The following DTNBP1 variants were observed in gnomAD, a reference collection of about 807,000 sequenced individuals.
The protein encoded by DTNBP1 is dysbindin.
In DTNBP1, 35 loss-of-function variants were observed where a neutral mutation model predicts 42.8. The observed-to-expected ratio is 0.82, with a 90% CI of 0.63 to 1.09. The LOEUF (loss-of-function observed/expected upper bound fraction) is 1.09. Among genes scored for constraint, DTNBP1 ranks in the 50% least tolerant of loss-of-function variants. The pLI is 0.00. For missense variants in DTNBP1, 457 were observed against 424.2 expected (o/e 1.08, Z -0.68); for synonymous variants, 171 against 162.2 (o/e 1.05, Z -0.41).
intron 7 of DTNBP1, among the ~76,000 whole-genome samples, chr6:15,562,440 A>G (rs1774886074): frequency 2.6e-5 from 4 of 152,234 alleles, no homozygotes; most frequent in Admixed American, 6.5e-5. Context: ...CAGAATGGAA[A>G]CACTTAGTAA....
At chr6:15,586,943 A>T (rs1262289719) in intron 7 of DTNBP1, among the ~76,000 whole-genome samples, 1 of 152,072 alleles carries the variant, frequency 6.6e-6, no homozygotes, top group African/African-American at 2.4e-5. Context: ...CTGTCTGGTG[A>T]ATGTTGGTGC....
At chr6:15,559,831 C>T (rs2113467925) in intron 7 of DTNBP1, among the ~76,000 whole-genome samples, 1 of 152,284 alleles carries the variant, frequency 6.6e-6, no homozygotes, top group African/African-American at 2.4e-5. Flanking sequence ...CGCCAACTGA[C>T]TACTACTTCT....
intron 7 of DTNBP1, among the ~76,000 whole-genome samples, chr6:15,584,329 TTAAGA>T (rs1352462064): frequency 2.6e-5 from 4 of 152,120 alleles, no homozygotes. Context: ...GAACCATTAT[TTAAGA>T]TAATGACTGA....
At chr6:15,579,794 T>C (rs921309181) in intron 7 of DTNBP1, 10 of 451,382 alleles carry the variant, frequency 2.2e-5, no homozygotes, top group Non-Finnish European at 4.4e-5. Flanking sequence ...GCCGACAGAG[T>C]GAGACTCCCT....
At chr6:15,616,380 C>T (rs1758718771) in intron 5 of DTNBP1, among the ~76,000 whole-genome samples, 1 of 152,194 alleles carries the variant, frequency 6.6e-6, no homozygotes, top group Non-Finnish European at 1.5e-5. Flanking sequence ...AAAAGACAGT[C>T]CTGGAGCTCA....
intron 7 of DTNBP1, among the ~76,000 whole-genome samples, chr6:15,591,813 T>C (rs780178652): frequency 3.9e-5 from 6 of 152,312 alleles, no homozygotes; most frequent in East Asian, 1.9e-4. Flanking sequence ...CTTACTGTTA[T>C]ATAAGAAGAT....
Position 15,522,922 on chromosome 6 carries a change from G to T in DTNBP1, c.*53C>A. On this transcript the variant is annotated 3_prime_UTR_variant, in exon 10 of 10. Coordinates refer to ENST00000344537, the MANE Select transcript of DTNBP1 (RefSeq NM_032122.5). ...AACCTGGCTTTCCAGGTGGAATTCC[G>T]CATACAGCCAAAACTGGATTCCAGT... 6.2e-7 allele frequency: 1 copy of T among 1,613,936 alleles called. No homozygotes were observed. Among genetic ancestry groups the T allele is most frequent in the East Asian group, 2.2e-5 (1 of 44,876 alleles).
Position 15,566,286 on chromosome 6 carries a change from G to A in DTNBP1, c.511+26773C>T, listed in dbSNP as rs1423854465. Among the ~76,000 whole-genome samples the A allele has an allele frequency of 7.8e-5, 11 of 140,352 alleles. No individual in the cohort carries two copies. The Admixed American group carries it at 8.3e-4, about 11-fold the overall frequency. The allele number at this position is 140,352 out of a possible 152,430, so 92.1% of individuals were successfully genotyped here. Reference sequence around the variant, plus strand: ...GCCGAGATCCCGCCACTGCACTCCAGCCTGGGCGACAGAGCGAGACTCCGT... The same window carrying A: ...GCCGAGATCCCGCCACTGCACTCCAACCTGGGCGACAGAGCGAGACTCCGT... On this transcript the variant is annotated intron_variant, in intron 7 of 9. Transcript: ENST00000344537.
At chr6:15,632,156 A>G (rs1759732943) in intron 4 of DTNBP1, among the ~76,000 whole-genome samples, 1 of 151,836 alleles carries the variant, frequency 6.6e-6, no homozygotes, top group African/African-American at 2.4e-5. Flanking sequence ...TTATTGGTTT[A>G]TAGGGGTTAT....
chr6:15,613,218 G>A (rs1014296058), intron 6 of DTNBP1, among the ~76,000 whole-genome samples: 3 of 150,706 alleles, frequency 2.0e-5, no homozygotes, highest in East Asian at 3.9e-4. Context: ...CAGAAGAAAC[G>A]CTTTAACCCA....
chr6:15,566,539 A>G (rs903040851), intron 7 of DTNBP1, among the ~76,000 whole-genome samples: 2 of 152,162 alleles, frequency 1.3e-5, no homozygotes, highest in African/African-American at 4.8e-5. Context: ...AACTCTTTGC[A>G]GCAATAAGAT....
chr6:15,632,452 C>G (rs1297805057), intron 4 of DTNBP1, among the ~76,000 whole-genome samples: 1 of 151,948 alleles, frequency 6.6e-6, no homozygotes, highest in Non-Finnish European at 1.5e-5. Flanking sequence ...GAGTTTCTAC[C>G]CAGTATAAGA....
At chr6:15,595,354 T>TCCC (rs1776475920) in intron 6 of DTNBP1, 4 of 366,730 alleles carry the variant, frequency 1.1e-5, no homozygotes, top group South Asian at 8.2e-5. Context: ...AACCTCTGCC[T>TCCC]CCCGGGTTCA....
intron 4 of DTNBP1, among the ~76,000 whole-genome samples, chr6:15,628,698 T>G (rs1242964537): frequency 6.6e-6 from 1 of 152,194 alleles, no homozygotes; most frequent in Non-Finnish European, 1.5e-5. Flanking sequence ...TGAGCCACTG[T>G]GCCCGGCCAG....
At chr6:15,652,182 GATT>G (rs781076400) in intron 1 of DTNBP1, 42 bp from the exon 2 acceptor site, 17 of 1,470,050 alleles carry the variant, frequency 1.2e-5, no homozygotes, top group Admixed American at 5.7e-5. Context: ...CAAGTCAAGA[GATT>G]ATTATTATTT....
intron 7 of DTNBP1, among the ~76,000 whole-genome samples, chr6:15,564,025 G>C (rs1774956148): frequency 6.6e-6 from 1 of 151,068 alleles, no homozygotes. Flanking sequence ...AGTAAGCTGA[G>C]GTCATGCCAC....
chr6:15,592,999 G>C, intron 7 of DTNBP1, 60 bp downstream of exon 7: 1 of 1,448,402 alleles, frequency 6.9e-7, no homozygotes, highest in Non-Finnish European at 9.4e-7. Context: ...ATTGTCGAGA[G>C]AACATCTGAT....
At chr6:15,639,251 A>T (rs1015403560) in intron 3 of DTNBP1, among the ~76,000 whole-genome samples, 22 of 152,332 alleles carry the variant, frequency 1.4e-4, no homozygotes, top group African/African-American at 5.3e-4. Flanking sequence ...TAACACTGGG[A>T]AAGCTGAAAT....
Position 15,563,405 on chromosome 6 carries a change from CAGGGTTAACA to C in DTNBP1, c.511+29644_511+29653del, listed in dbSNP as rs547713053. ...TTAAAAACTTTTAAAGCCATCTTCACAGGGTTAACAAGAATTCTGGACATAAACATAGTTA... is the reference window on the plus strand; with the variant it reads ...TTAAAAACTTTTAAAGCCATCTTCACAGAATTCTGGACATAAACATAGTTA... On this transcript the variant is annotated intron_variant, in intron 7 of 9. Coordinates refer to ENST00000344537, the MANE Select transcript of DTNBP1 (RefSeq NM_032122.5). Among the ~76,000 whole-genome samples the C allele has an allele frequency of 2.2e-4, 33 of 152,288 alleles. 1 individual carries two copies. The East Asian group carries it at 3.3e-3, about 15-fold the overall frequency.
Sources: allele counts gnomAD v4.1 joint callset (sites outside exome capture counted in the v4.1 genomes callset), GRCh38; gene constraint gnomAD v4.1.1; transcripts MANE v1.5; gene names NCBI Gene and HGNC (gene_info 2026-07-23, HGNC 2026-07-21).